PRORP: variants seen among roughly 807,000 people sequenced by gnomAD.
PRORP encodes the protein protein only RNase P catalytic subunit, also known as mitochondrial ribonuclease P catalytic subunit.
PRORP carries 51 observed loss-of-function variants against 59.4 expected under a neutral mutation model. The observed-to-expected ratio is 0.86, with a 90% CI of 0.69 to 1.08. The LOEUF (loss-of-function observed/expected upper bound fraction) is 1.08, where lower values mean the gene tolerates loss of function less well. Among genes scored for constraint, PRORP ranks in the 50% least tolerant of loss-of-function variants. PRORP has a pLI of 0.00. For missense variants in PRORP, 646 were observed against 690.3 expected (o/e 0.94, Z 0.72); for synonymous variants, 231 against 245.6 (o/e 0.94, Z 0.55).
At chr14:35,182,509 G>A (rs59954445) in intron 5 of PRORP, among the ~76,000 whole-genome samples, 9,322 of 151,760 alleles carry the variant, frequency 0.061, 473 homozygotes, top group African/African-American at 0.14. Context: ...GCCGGGTGTG[G>A]TGGCAGGTGC....
At chr14:35,260,882 C>T (rs2050888232) in intron 5 of PRORP, among the ~76,000 whole-genome samples, 1 of 152,140 alleles carries the variant, frequency 6.6e-6, no homozygotes, top group African/African-American at 2.4e-5. Flanking sequence ...CCTGCTTTAC[C>T]CCGAAGTCTG....
intron 4 of PRORP, among the ~76,000 whole-genome samples, chr14:35,164,106 T>C (rs1022563924): frequency 6.6e-6 from 1 of 152,220 alleles, no homozygotes; most frequent in East Asian, 1.9e-4. Flanking sequence ...TTCTGAGTTT[T>C]CCATTCTGTT....
intron 4 of PRORP, among the ~76,000 whole-genome samples, 179 bp downstream of exon 4, chr14:35,127,790 A>G (rs1450310885): frequency 6.6e-6 from 1 of 152,224 alleles, no homozygotes; most frequent in Non-Finnish European, 1.5e-5. Context: ...ATGAATAGAC[A>G]TGGCTGTGTT....
chr14:35,259,032 A>G (rs2050830729), intron 5 of PRORP, among the ~76,000 whole-genome samples: 3 of 152,078 alleles, frequency 2.0e-5, no homozygotes, highest in Admixed American at 2.0e-4. Context: ...AGTTATCTCA[A>G]TTGTTGAGAG....
intron 5 of PRORP, among the ~76,000 whole-genome samples, chr14:35,190,778 C>G (rs1052379867): frequency 3.3e-5 from 5 of 152,144 alleles, no homozygotes; most frequent in Admixed American, 3.3e-4. Context: ...GCTGGGATTA[C>G]AGGCATGAGC....
chr14:35,150,564 C>T (rs1444751292), intron 4 of PRORP, among the ~76,000 whole-genome samples: 12 of 152,184 alleles, frequency 7.9e-5, no homozygotes, highest in African/African-American at 2.9e-4. Context: ...GTGGCCTTCC[C>T]AATGTCAAAT....
intron 5 of PRORP, among the ~76,000 whole-genome samples, chr14:35,190,793 G>A (rs1216871982): frequency 3.3e-5 from 5 of 152,052 alleles, no homozygotes; most frequent in African/African-American, 9.7e-5. Context: ...ATGAGCCACC[G>A]CACCCGGCTG....
intron 6 of PRORP, 52 bp from the exon 7 acceptor site, chr14:35,270,349 C>T (rs2051153572): frequency 6.5e-7 from 1 of 1,549,544 alleles, no homozygotes; most frequent in Admixed American, 1.7e-5. Context: ...AAAACACTGT[C>T]CTCTGCCTCT....
rs1448093006 is a variant in PRORP at position 35,273,395 on chromosome 14, GTGT to G, written c.1621-35_1621-33del. The G allele has an allele frequency of 1.9e-6, 3 of 1,579,398 alleles. No homozygotes were observed. In the South Asian group the frequency reaches 3.5e-5, roughly 19 times the overall value. ...AGAGAAATGGCCAAGTAGCCCTTTA[GTGT>G]TGTTCTCAATGTTTTGTTCTCTTTT... On this transcript the variant is annotated intron_variant, in intron 7 of 7. Coordinates refer to ENST00000534898, the MANE Select transcript of PRORP (RefSeq NM_014672.4).
intron 5 of PRORP, among the ~76,000 whole-genome samples, chr14:35,194,019 A>G (rs1455620083): frequency 6.6e-6 from 1 of 152,028 alleles, no homozygotes; most frequent in Non-Finnish European, 1.5e-5. Context: ...ATATATGAGG[A>G]GCAGCATATT....
Position 35,270,495 on chromosome 14 carries a change from T to C in PRORP, c.1519T>C (p.Cys507Arg). ...TRDLMRDHKA[C>R]LPDAKTQRLF... Reference sequence around the variant, plus strand: ...AGACCTGATGCGGGACCACAAGGCCTGTCTGCCTGATGCCAAGACCCAACG... The same window carrying C: ...AGACCTGATGCGGGACCACAAGGCCCGTCTGCCTGATGCCAAGACCCAACG... The change falls in exon 7 of 8, where the codon TGT becomes CGT. Residue 507 changes from cysteine to arginine, a missense_variant. By Grantham distance (180) the Cys-to-Arg change is radical. Transcript: ENST00000534898. 5 of 1,614,182 alleles carry C rather than the reference T, an allele frequency of 3.1e-6. No homozygotes were observed. The highest frequency in any genetic ancestry group is 4.2e-6 in the Non-Finnish European group (5 of 1,180,032).
rs1430557988 is a variant in PRORP, at chr14:35,204,843, C to T, written c.1275+24066C>T. On this transcript the variant is annotated intron_variant, in intron 5 of 7. Transcript: ENST00000534898. The stretch of plus-strand genomic sequence containing the variant: ...TTTCCAGTTGACTTATTCATAATGG[C>T]CCCAACATCTTTTGCTTTTTTTGTT... Among the ~76,000 whole-genome samples the T allele has an allele frequency of 2.6e-5, 4 of 152,258 alleles. No homozygotes were observed. In the South Asian group the frequency reaches 8.3e-4, roughly 32 times the overall value.
intron 5 of PRORP, among the ~76,000 whole-genome samples, chr14:35,261,273 A>G (rs1045042108): frequency 2.0e-5 from 3 of 151,988 alleles, no homozygotes; most frequent in African/African-American, 7.3e-5. Context: ...TTTTCCCTCT[A>G]CCTTTCCAAG....
intron 5 of PRORP, among the ~76,000 whole-genome samples, chr14:35,210,859 A>G (rs1364598449): frequency 6.9e-6 from 1 of 144,496 alleles, no homozygotes; most frequent in Non-Finnish European, 1.5e-5. Context: ...GATCTCCCAG[A>G]CTCAAGCTAT....
chr14:35,266,317 CAAAAAAAA>C (rs35672758), intron 5 of PRORP, among the ~76,000 whole-genome samples: 3 of 126,450 alleles, frequency 2.4e-5, no homozygotes, highest in African/African-American at 6.3e-5. Flanking sequence ...AACTCTGTCT[CAAAAAAAA>C]AAAAAAAAAA....
At chr14:35,267,412 G>A (rs1463266021) in intron 6 of PRORP, among the ~76,000 whole-genome samples, 3 of 152,168 alleles carry the variant, frequency 2.0e-5, no homozygotes, top group Admixed American at 2.0e-4. Context: ...GCCTTTCTGA[G>A]GGGGCAGATT....
At chr14:35,157,993 C>T (rs930701255) in intron 4 of PRORP, 4 of 215,532 alleles carry the variant, frequency 1.9e-5, no homozygotes, top group Admixed American at 6.0e-5. Flanking sequence ...GCATCCTCAT[C>T]CTCAAACTGA....
chr14:35,258,055 T>TAA (rs33929205), intron 5 of PRORP, among the ~76,000 whole-genome samples: 1 of 144,370 alleles, frequency 6.9e-6, no homozygotes, highest in African/African-American at 2.5e-5. Context: ...CACATATGAG[T>TAA]AAAAAAAAAA....
intron 5 of PRORP, among the ~76,000 whole-genome samples, chr14:35,255,856 G>A (rs1218717178): frequency 6.6e-6 from 1 of 152,168 alleles, no homozygotes; most frequent in Admixed American, 6.5e-5. Context: ...AGTCTTAAGA[G>A]AGATACCAGG....
Sources: allele counts gnomAD v4.1 joint callset (sites outside exome capture counted in the v4.1 genomes callset), GRCh38; gene constraint gnomAD v4.1.1; transcripts MANE v1.5; gene names NCBI Gene and HGNC (gene_info 2026-07-23, HGNC 2026-07-21).